P2RX2: variants seen among roughly 807,000 people sequenced by gnomAD.
P2RX2 encodes P2X purinoceptor 2.
P2RX2 carries 50 observed loss-of-function variants against 54.8 expected under a neutral mutation model. The observed-to-expected ratio is 0.91, with a 90% CI of 0.73 to 1.15. P2RX2 has a LOEUF of 1.15. P2RX2 is among the 50% of genes most tolerant of loss of function. P2RX2 has a pLI of 0.00. For synonymous variants in P2RX2, 289 were observed against 259.4 expected (o/e 1.11, Z -1.09); for missense variants, 658 against 633.2 (o/e 1.04, Z -0.42).
chr12:132,621,877 ATCTCTGCCCCT>A lies in P2RX2; in HGVS notation c.1325_1335del (p.Ser442Ter), dbSNP rs876657423. 1.6e-3 allele frequency: 2,595 copies of A among 1,613,480 alleles called. 29 individuals carry two copies. In the African/African-American group the frequency reaches 0.031, roughly 19 times the overall value. The stretch of plus-strand genomic sequence containing the variant: ...CTTCCCGCCCCTGCGGCCTTGCCCC[ATCTCTGCCCCT>A]TCTGAGCAGATGGTGGACACTCCTG... On this transcript the variant is annotated frameshift_variant, in exon 11 of 11. Transcript: ENST00000643471. LOFTEE classifies it high-confidence loss of function.
chr12:132,620,689 C>A, intron 7 of P2RX2, 106 bp downstream of exon 7: 1 of 1,259,030 alleles, frequency 7.9e-7, no homozygotes, highest in Non-Finnish European at 1.1e-6. Context: ...CAGCTGGCCC[C>A]GCTCAGGCAG....
In P2RX2 at chr12:132,621,116, C is replaced by T. The variant is rs2041656136; in HGVS notation, c.890C>T (p.Ser297Leu). ...GACCCCAAGCACGTGCCTGCCTCGTCAGGCTACAACTTCAGGTGCTGTACT... is the reference window on the plus strand; with the variant it reads ...GACCCCAAGCACGTGCCTGCCTCGTTAGGCTACAACTTCAGGTGCTGTACT... ...RLDPKHVPAS[S>L]GYNFRFAKYY... Residue 297 changes from serine (S) to leucine (L), a missense_variant, in exon 8 of 11, where the codon TCA becomes TTA. By Grantham distance (145) the Ser-to-Leu change is moderately radical. Coordinates refer to ENST00000643471, the MANE Select transcript of P2RX2 (RefSeq NM_170682.4). 6.2e-7 allele frequency: 1 copy of T among 1,614,026 alleles called. No homozygotes were observed. The highest frequency in any genetic ancestry group is 8.5e-7 in the Non-Finnish European group (1 of 1,180,026).
In P2RX2 at chr12:132,620,900, TGTG is replaced by T; in HGVS notation, c.775-100_775-98del. On this transcript the variant is annotated intron_variant, in intron 7 of 10. Transcript: ENST00000643471. ...ACCCGGGCTCTCGAGGGGCCTCTCG[TGTG>T]CCCTTGTGACCCCCTTCCCTGGCCT... 5.0e-5 allele frequency: 10 copies of T among 198,580 alleles called. 2 individuals carry two copies. Among genetic ancestry groups the T allele is most frequent in the South Asian group, 2.1e-4 (2 of 9,560 alleles). The allele number at this position is 198,580 out of a possible 1,614,324, so 12.3% of individuals were successfully genotyped here.
chr12:132,621,437 C>T, intron 9 of P2RX2, 38 bp from the exon 10 acceptor site: 1 of 1,580,212 alleles, frequency 6.3e-7, no homozygotes, highest in Non-Finnish European at 8.6e-7. Context: ...CCATCAGACG[C>T]CGTCAGACAT....
At chr12:132,621,188 A>G (rs959046161) in intron 8 of P2RX2, 57 bp downstream of exon 8, 58 of 1,613,762 alleles carry the variant, frequency 3.6e-5, no homozygotes, top group Admixed American at 8.3e-5. Flanking sequence ...GGGTCCCGAG[A>G]GGCCCAATGC....
rs761840429 is a variant in P2RX2, at chr12:132,621,660, C to T, written c.1104C>T (p.Asn368=). The change falls in exon 11 of 11, where the codon AAC becomes AAT. Residue 368 remains asparagine (N), a synonymous_variant. Transcript: ENST00000643471. ...ACTGGATCTTGCTAACATTCATGAACAAAAACAAGGTCTACAGCCATAAGA... is the reference window on the plus strand; with the variant it reads ...ACTGGATCTTGCTAACATTCATGAATAAAAACAAGGTCTACAGCCATAAGA... The part of the protein sequence containing the change: ...LCDWILLTFM[N]KNKVYSHKKF... The T allele has an allele frequency of 2.5e-6, 4 of 1,613,748 alleles. No homozygotes were observed. The highest frequency in any genetic ancestry group is 3.4e-6 in the Non-Finnish European group (4 of 1,179,864).
chr12:132,620,723 A>T, intron 7 of P2RX2, 140 bp downstream of exon 7: 1 of 1,092,910 alleles, frequency 9.1e-7, no homozygotes, highest in Non-Finnish European at 1.3e-6. Flanking sequence ...CGATCAGCGC[A>T]ACCCATCCGG....
chr12:132,620,435 GCCT>G lies in P2RX2; in HGVS notation c.636-5_636-3del. 6.2e-7 allele frequency: 1 copy of G among 1,614,014 alleles called. No homozygotes were observed. Among genetic ancestry groups the G allele is most frequent in the African/African-American group, 1.3e-5 (1 of 75,050 alleles). On this transcript the variant is annotated splice_polypyrimidine_tract_variant and splice_region_variant and intron_variant, in intron 6 of 10. Transcript: ENST00000643471. ...TGGGGTGCAGGTCTCGCCTCCTGCCGCCTCCTCAGGGGCAACATCGCCGACCGC... is the reference window on the plus strand; with the variant it reads ...TGGGGTGCAGGTCTCGCCTCCTGCCGCCTCAGGGGCAACATCGCCGACCGC...
Position 132,621,057 on chromosome 12 carries a change from G to A in P2RX2, c.831G>A (p.Ser277=), listed in dbSNP as rs114365804. The part of the protein sequence containing the change: ...NWDCDLDLPA[S]ECNPKYSFRR... ...ACTGTGACCTGGACCTGCCTGCATC[G>A]GAGTGCAACCCCAAGTACTCCTTCC... is the stretch of plus-strand genomic sequence containing the variant. The change falls in exon 8 of 11, where the codon TCG becomes TCA. Residue 277 remains serine (S), a synonymous_variant. Coordinates refer to ENST00000643471, the MANE Select transcript of P2RX2 (RefSeq NM_170682.4). 546 of 1,614,090 alleles carry A rather than the reference G, an allele frequency of 3.4e-4. 3 individuals are homozygous for A. In the African/African-American group the frequency reaches 6.2e-3, roughly 18 times the overall value.
chr12:132,619,795 G>A, intron 3 of P2RX2, 45 bp downstream of exon 3: 2 of 1,609,952 alleles, frequency 1.2e-6, no homozygotes, highest in Non-Finnish European at 1.7e-6. Flanking sequence ...TCAGCTAGGC[G>A]GGCCAGCTGT....
Position 132,621,985 on chromosome 12 carries a change from C to G in P2RX2, c.*13C>G. On this transcript the variant is annotated 3_prime_UTR_variant, in exon 11 of 11. Transcript: ENST00000643471. ...GGCTCAACTCTGAGCTCCTTTCCAT[C>G]TCACTGGACTGCAGACCCGGCCTGG... 6.2e-7 allele frequency: 1 copy of G among 1,613,412 alleles called. No individual in the cohort carries two copies. Among genetic ancestry groups the G allele is most frequent in the Non-Finnish European group, 8.5e-7 (1 of 1,179,950 alleles).
In P2RX2 at chr12:132,621,088, C is replaced by CT. The variant is rs1488209507; in HGVS notation, c.864dup (p.Asp289Ter). ...CAACCCCAAGTACTCCTTCCGGAGG[C>CT]TTGACCCCAAGCACGTGCCTGCCTC... On this transcript the variant is annotated frameshift_variant, in exon 8 of 11. Coordinates refer to ENST00000643471, the MANE Select transcript of P2RX2 (RefSeq NM_170682.4). LOFTEE classifies it high-confidence loss of function. 6.2e-6 allele frequency: 10 copies of CT among 1,614,076 alleles called. No homozygotes were observed. The highest frequency in any genetic ancestry group is 7.6e-6 in the Non-Finnish European group (9 of 1,180,024).
intron 7 of P2RX2, 53 bp downstream of exon 7, chr12:132,620,636 G>A (rs2041623541): frequency 6.3e-7 from 1 of 1,588,002 alleles, no homozygotes; most frequent in Non-Finnish European, 8.6e-7. Context: ...CCTGCACAGA[G>A]AGGGCCTGGG....
intron 7 of P2RX2, 86 bp downstream of exon 7, chr12:132,620,669 C>T: frequency 7.1e-7 from 1 of 1,411,302 alleles, no homozygotes; most frequent in South Asian, 1.2e-5. Flanking sequence ...AGTCCCTCCT[C>T]CCTCCTGACC....
At position 132,621,858 on chromosome 12, in the gene P2RX2, G is replaced by A. The variant is rs114276183; in HGVS notation, c.1302G>A (p.Pro434=). The change falls in exon 11 of 11, where the codon CCG becomes CCA. Residue 434 remains proline, a synonymous_variant. Transcript: ENST00000643471. The stretch of plus-strand genomic sequence containing the variant: ...GGGCAGAGTGTGGCCCAGCCTTCCC[G>A]CCCCTGCGGCCTTGCCCCATCTCTG... ...QQGAECGPAF[P]PLRPCPISAP... The A allele has an allele frequency of 2.2e-3, 3,531 of 1,612,918 alleles. 60 individuals are homozygous for A. The African/African-American group carries it at 0.041, about 19-fold the overall frequency.
At chr12:132,620,793 C>T (rs1206372238) in intron 7 of P2RX2, among the ~76,000 whole-genome samples, 1 of 152,218 alleles carries the variant, frequency 6.6e-6, no homozygotes, top group Admixed American at 6.5e-5. Context: ...ACCCCTTGTG[C>T]CTCAGACACT....
chr12:132,619,882 C>CA lies in P2RX2; in HGVS notation c.420_421insA (p.Asp141ArgfsTer131), dbSNP rs1467085343. The stretch of plus-strand genomic sequence containing the variant: ...ACAACGCCACCTGCCTCTCCGACGC[C>CA]GACTGCGTGGCTGGGGAGCTGGACA... On this transcript the variant is annotated frameshift_variant, in exon 4 of 11. Transcript: ENST00000643471. LOFTEE classifies it high-confidence loss of function. 6.2e-7 allele frequency: 1 copy of CA among 1,611,624 alleles called. No homozygotes were observed. Among genetic ancestry groups the CA allele is most frequent in the Admixed American group, 1.7e-5 (1 of 59,962 alleles).
In P2RX2 at chr12:132,622,023, GT is replaced by G; in HGVS notation, c.*52del. 6.2e-7 allele frequency: 1 copy of G among 1,609,436 alleles called. No homozygotes were observed. Among genetic ancestry groups the G allele is most frequent in the Non-Finnish European group, 8.5e-7 (1 of 1,178,362 alleles). ...AGACCCGGCCTGGTGGGGCCAGAGA[GT>G]CCCCAGCTAGGGACCTGCACGTGGA... On this transcript the variant is annotated 3_prime_UTR_variant, in exon 11 of 11. Coordinates refer to ENST00000643471, the MANE Select transcript of P2RX2 (RefSeq NM_170682.4).
chr12:132,619,811 G>A, intron 3 of P2RX2, 33 bp from the exon 4 acceptor site: 1 of 1,610,502 alleles, frequency 6.2e-7, no homozygotes, highest in Non-Finnish European at 8.5e-7. Flanking sequence ...GCTGTCCCTT[G>A]CGGGGTCCCT....
Sources: gnomAD v4.1 joint callset for allele counts (sites outside exome capture counted in the v4.1 genomes callset) on GRCh38, gnomAD v4.1.1 for gene constraint, MANE v1.5 for transcripts, NCBI Gene and HGNC (gene_info 2026-07-23, HGNC 2026-07-21) for gene names.